UGT1A9: variants seen among roughly 807,000 people sequenced by gnomAD.
UGT1A9 encodes UDP-glucuronosyltransferase 1A9.
A neutral mutation model predicts 45.0 loss-of-function variants in UGT1A9; 35 were observed. The ratio of observed to expected loss-of-function variants is 0.78; its 90% CI spans 0.59 to 1.03. The LOEUF (loss-of-function observed/expected upper bound fraction) is 1.03, where lower values mean the gene tolerates loss of function less well. UGT1A9 is among the 50% of genes least tolerant of loss of function. UGT1A9 has a pLI of 0.00. For missense variants in UGT1A9, 687 were observed against 666.6 expected (o/e 1.03, Z -0.34); for synonymous variants, 278 against 250.6 (o/e 1.11, Z -1.03).
At chr2:233,718,963 T>C (rs138086321) in intron 1 of UGT1A9, 288 of 1,614,194 alleles carry the variant, frequency 1.8e-4, no homozygotes, top group South Asian at 4.9e-4. Context: ...CGGGAGGCCT[T>C]GCGGGAGCTC....
intron 1 of UGT1A9, among the ~76,000 whole-genome samples, chr2:233,686,494 G>C (rs2074791864): frequency 6.6e-6 from 1 of 152,058 alleles, no homozygotes; most frequent in Non-Finnish European, 1.5e-5. Flanking sequence ...TTTCTGAACA[G>C]GTGAGCCCAG....
chr2:233,697,570 T>C, intron 1 of UGT1A9, among the ~76,000 whole-genome samples: 1 of 151,918 alleles, frequency 6.6e-6, no homozygotes, highest in East Asian at 1.9e-4. Flanking sequence ...TCAATTTAAT[T>C]TATTTTTTCC....
intron 1 of UGT1A9, chr2:233,682,633 T>G: frequency 2.5e-6 from 4 of 1,613,964 alleles, no homozygotes; most frequent in Non-Finnish European, 3.4e-6. Flanking sequence ...AAATAGCCTC[T>G]GAAATTCTCC....
At chr2:233,710,187 G>A (rs760238092) in intron 1 of UGT1A9, among the ~76,000 whole-genome samples, 1 of 152,152 alleles carries the variant, frequency 6.6e-6, no homozygotes, top group Admixed American at 6.5e-5. Flanking sequence ...TGGACATGTG[G>A]ATAGTTTCCA....
chr2:233,745,708 C>G (rs571256965), intron 1 of UGT1A9, among the ~76,000 whole-genome samples: 5 of 149,444 alleles, frequency 3.3e-5, no homozygotes, highest in South Asian at 2.1e-4. Context: ...AACAAGTGAT[C>G]CAGAATGGCT....
intron 1 of UGT1A9, chr2:233,756,082 A>G (rs549873303): frequency 1.3e-5 from 2 of 152,358 alleles, no homozygotes; most frequent in African/African-American, 4.8e-5. Flanking sequence ...CAATGAGAAA[A>G]TCAAGTAACA....
At chr2:233,721,529 G>A (rs537602053) in intron 1 of UGT1A9, 34 of 169,694 alleles carry the variant, frequency 2.0e-4, no homozygotes, top group Non-Finnish European at 3.5e-4. Context: ...TTCTTCCAGA[G>A]CCATAGGTAA....
rs34642976 is a variant in UGT1A9 at position 233,765,194 on chromosome 2, T to A, written c.856-1840T>A. Among the ~76,000 whole-genome samples, 4 of 152,300 alleles carry A rather than the reference T, an allele frequency of 2.6e-5. No homozygotes were observed. The East Asian group carries it at 7.7e-4, about 29-fold the overall frequency. On this transcript the variant is annotated intron_variant, in intron 1 of 4. Transcript: ENST00000354728. ...CAAGCCCTGCCACATCACACAATCA[T>A]ATTAGTGCCCTCAGTATTCTTTGCA...
At chr2:233,760,225 G>A (rs1047777533) in intron 1 of UGT1A9, 1 of 1,585,000 alleles carries the variant, frequency 6.3e-7, no homozygotes. Flanking sequence ...GTATCGATTG[G>A]TTTTTGCCAT....
At chr2:233,767,994 T>G (rs1699541043) in intron 3 of UGT1A9, 58 bp downstream of exon 3, 2 of 1,614,136 alleles carry the variant, frequency 1.2e-6, no homozygotes, top group Non-Finnish European at 1.7e-6. Context: ...GAAAATGGCT[T>G]AAGCACAGCT....
intron 1 of UGT1A9, among the ~76,000 whole-genome samples, chr2:233,688,920 G>A (rs4485562): frequency 0.18 from 27,714 of 152,108 alleles, 2,753 homozygotes; most frequent in Non-Finnish European, 0.23. Flanking sequence ...GTGCCAAGCA[G>A]GGAAGATGGC....
intron 1 of UGT1A9, among the ~76,000 whole-genome samples, chr2:233,738,020 A>G (rs1165451282): frequency 6.6e-6 from 1 of 152,034 alleles, no homozygotes; most frequent in African/African-American, 2.4e-5. Context: ...TTGAATTGTA[A>G]TCCCCATAAT....
chr2:233,708,348 TC>T (rs1318503121), intron 1 of UGT1A9: 2 of 152,232 alleles, frequency 1.3e-5, no homozygotes, highest in African/African-American at 4.8e-5. Flanking sequence ...AATTTTCATT[TC>T]CCTTATTAAT....
At chr2:233,682,698 G>A (rs144940363) in intron 1 of UGT1A9, 2 of 1,613,794 alleles carry the variant, frequency 1.2e-6, no homozygotes, top group South Asian at 1.1e-5. Flanking sequence ...TGGTTGTTGC[G>A]AACTGACTTT....
Position 233,672,688 on chromosome 2 carries a change from T to A in UGT1A9, c.754T>A (p.Leu252Met). ...YDLYSHTSIW[L>M]LRTDFVLDYP... The stretch of plus-strand genomic sequence containing the variant: ...TCTCTACAGCCACACATCAATTTGG[T>A]TGTTGCGAACGGACTTTGTTTTGGA... The change falls in exon 1 of 5, where the codon TTG becomes ATG. Residue 252 changes from leucine to methionine, a missense_variant. By Grantham distance (15) the Leu-to-Met change is conservative. Transcript: ENST00000354728. The A allele has an allele frequency of 1.2e-6, 2 of 1,613,944 alleles. No homozygotes were observed. Among genetic ancestry groups the A allele is most frequent in the South Asian group, 1.1e-5 (1 of 91,076 alleles).
intron 1 of UGT1A9, chr2:233,743,605 G>A (rs376857469): frequency 9.1e-5 from 125 of 1,367,170 alleles, no homozygotes; most frequent in Middle Eastern, 2.1e-4. Context: ...CCTGGCCGCC[G>A]AAGAACTCCC....
chr2:233,739,222 A>G (rs1312187699), intron 1 of UGT1A9, among the ~76,000 whole-genome samples: 1 of 152,214 alleles, frequency 6.6e-6, no homozygotes, highest in Non-Finnish European at 1.5e-5. Flanking sequence ...TAGAGTCCTT[A>G]TAGAGAACCT....
chr2:233,716,819 C>A (rs1378965211), intron 1 of UGT1A9, among the ~76,000 whole-genome samples: 1 of 152,146 alleles, frequency 6.6e-6, no homozygotes, highest in Non-Finnish European at 1.5e-5. Flanking sequence ...GCTGGGGTGA[C>A]CTCACTGACA....
chr2:233,750,369 G>A (rs1694438903), intron 1 of UGT1A9, among the ~76,000 whole-genome samples: 1 of 151,932 alleles, frequency 6.6e-6, no homozygotes, highest in African/African-American at 2.4e-5. Flanking sequence ...TAAAAGGGAA[G>A]CAGAGCATAA....
Sources: allele counts gnomAD v4.1 joint callset (sites outside exome capture counted in the v4.1 genomes callset), GRCh38; gene constraint gnomAD v4.1.1; transcripts MANE v1.5; gene names NCBI Gene and HGNC (gene_info 2026-07-23, HGNC 2026-07-21).